The following CNTNAP5 variants were observed in gnomAD, a reference collection of about 807,000 sequenced individuals.
CNTNAP5 encodes the protein contactin associated protein family member 5.
CNTNAP5 carries 72 observed loss-of-function variants against 150.2 expected under a neutral mutation model. The ratio of observed to expected loss-of-function variants is 0.48; its 90% CI spans 0.40 to 0.58. The LOEUF (loss-of-function observed/expected upper bound fraction) is 0.58. CNTNAP5 is among the 20% of genes least tolerant of loss of function. The pLI is 0.00. For missense variants in CNTNAP5, 1,636 were observed against 1,626.2 expected (o/e 1.01, Z -0.10); for synonymous variants, 672 against 619.8 (o/e 1.08, Z -1.25).
At chr2:124,778,734 C>T (rs181856329) in intron 17 of CNTNAP5, 3 of 151,966 alleles carry the variant, frequency 2.0e-5, no homozygotes, top group Non-Finnish European at 2.9e-5. Context: ...CCTACCTAGG[C>T]GTGTTGTAAA....
At chr2:124,698,371 A>G (rs1016658620) in intron 13 of CNTNAP5, among the ~76,000 whole-genome samples, 1 of 50,194 alleles carries the variant, frequency 2.0e-5, no homozygotes, top group African/African-American at 7.4e-5. Context: ...AGTAGACGAG[A>G]GGATACACAC....
chr2:124,909,301 A>T (rs1331544661), intron 22 of CNTNAP5, among the ~76,000 whole-genome samples: 1 of 152,176 alleles, frequency 6.6e-6, no homozygotes, highest in Non-Finnish European at 1.5e-5. Context: ...ATAGTTGCTT[A>T]TAGTATTCAC....
chr2:124,833,731 T>C (rs1682767092), intron 19 of CNTNAP5, among the ~76,000 whole-genome samples: 2 of 152,128 alleles, frequency 1.3e-5, no homozygotes, highest in Admixed American at 6.6e-5. Context: ...CATCAGGGTT[T>C]CAATTCAAGT....
chr2:124,900,027 A>C (rs890196218), intron 21 of CNTNAP5, among the ~76,000 whole-genome samples: 1 of 151,056 alleles, frequency 6.6e-6, no homozygotes, highest in Non-Finnish European at 1.5e-5. Context: ...ACAGTTTGGC[A>C]TTTAAAATCA....
intron 8 of CNTNAP5, among the ~76,000 whole-genome samples, chr2:124,521,998 T>C (rs1362106778): frequency 6.6e-6 from 1 of 152,094 alleles, no homozygotes; most frequent in Non-Finnish European, 1.5e-5. Context: ...CAAGCAGATG[T>C]TCAGGATTGC....
At position 124,316,804 on chromosome 2, in the gene CNTNAP5, CAAAAAAAA is replaced by C. The variant is rs56812690; in HGVS notation, c.381+74428_381+74435del. On this transcript the variant is annotated intron_variant, in intron 3 of 23. Transcript: ENST00000682447. ...TGGGTGACAGAGCGAGACTCCATCT[CAAAAAAAA>C]AAAAAAAAAAAAAAAAGAAAAAGAA... Among the ~76,000 whole-genome samples the C allele has an allele frequency of 6.7e-3, 368 of 54,780 alleles. 4 individuals carry two copies. The highest frequency in any genetic ancestry group is 0.024 in the African/African-American group (357 of 14,806). 35.9% of individuals were successfully genotyped at this position (54,780 alleles called of 152,430 possible).
chr2:124,150,750 C>G (rs1439532132), intron 1 of CNTNAP5, among the ~76,000 whole-genome samples: 1 of 152,172 alleles, frequency 6.6e-6, no homozygotes, highest in African/African-American at 2.4e-5. Context: ...CATGAGAGGT[C>G]TACCCTGGTG....
chr2:124,623,902 T>A (rs1677667550), intron 12 of CNTNAP5, among the ~76,000 whole-genome samples: 1 of 152,244 alleles, frequency 6.6e-6, no homozygotes. Context: ...ACAATTTGCT[T>A]TCTGTAAATG....
At chr2:124,361,739 G>T (rs1381103616) in intron 3 of CNTNAP5, among the ~76,000 whole-genome samples, 2 of 151,736 alleles carry the variant, frequency 1.3e-5, no homozygotes, top group Non-Finnish European at 2.9e-5. Flanking sequence ...ATTTAAGTCT[G>T]CAGAGGTTAC....
At chr2:124,267,853 G>A (rs1687652425) in intron 3 of CNTNAP5, among the ~76,000 whole-genome samples, 1 of 152,138 alleles carries the variant, frequency 6.6e-6, no homozygotes, top group African/African-American at 2.4e-5. Context: ...GGAGCAGAGG[G>A]AAAACATAAT....
chr2:124,469,082 C>T (rs1693445629), intron 6 of CNTNAP5, among the ~76,000 whole-genome samples: 1 of 152,200 alleles, frequency 6.6e-6, no homozygotes. Context: ...AGTTTCAATC[C>T]CTCAGGGAGA....
At chr2:124,761,428 T>G (rs1163424105) in intron 14 of CNTNAP5, among the ~76,000 whole-genome samples, 1 of 152,146 alleles carries the variant, frequency 6.6e-6, no homozygotes, top group Admixed American at 6.6e-5. Flanking sequence ...CCCATTATAA[T>G]TTTTTAAAGA....
chr2:124,563,105 C>A, intron 10 of CNTNAP5, 112 bp from the exon 11 acceptor site: 1 of 674,654 alleles, frequency 1.5e-6, no homozygotes. Flanking sequence ...GGGAGTATAG[C>A]AAATCAATAT....
At chr2:124,905,116 G>GTTTTTTTTTTT (rs144751050) in intron 22 of CNTNAP5, among the ~76,000 whole-genome samples, 8 of 108,472 alleles carry the variant, frequency 7.4e-5, no homozygotes, top group South Asian at 3.2e-4. Context: ...GTTTTTTTTT[G>GTTTTTTTTTTT]TTTTTTTTTG....
At chr2:124,489,873 A>T (rs1693977049) in intron 7 of CNTNAP5, among the ~76,000 whole-genome samples, 1 of 152,138 alleles carries the variant, frequency 6.6e-6, no homozygotes, top group Admixed American at 6.5e-5. Flanking sequence ...GGAGCCTTCC[A>T]GTAAGTCCCA....
intron 7 of CNTNAP5, among the ~76,000 whole-genome samples, chr2:124,481,621 A>T (rs141176281): frequency 6.6e-6 from 1 of 152,192 alleles, no homozygotes; most frequent in African/African-American, 2.4e-5. Context: ...GTATATTTAT[A>T]TATCATAGAC....
At position 124,610,032 on chromosome 2, in the gene CNTNAP5, TG is replaced by T. The variant is rs1186529259; in HGVS notation, c.1876+114del. 8 of 1,213,444 alleles carry T rather than the reference TG, an allele frequency of 6.6e-6. No homozygotes were observed. The African/African-American group carries it at 1.2e-4, about 18-fold the overall frequency. 75.2% of individuals were successfully genotyped at this position (1,213,444 alleles called of 1,614,324 possible). A position where few individuals can be genotyped will look rare whatever the true frequency, so the allele number is the denominator to read the frequency against. ...GTGAATAAAAATTTGAAAGACCAAC[TG>T]GTCTCCTTTGGGGAGGAAATGGTAT... On this transcript the variant is annotated intron_variant, in intron 12 of 23. Coordinates refer to ENST00000682447, the MANE Select transcript of CNTNAP5 (RefSeq NM_001367498.1).
chr2:124,808,225 T>G (rs1168185169), intron 19 of CNTNAP5, among the ~76,000 whole-genome samples: 1 of 152,122 alleles, frequency 6.6e-6, no homozygotes, highest in Admixed American at 6.6e-5. Flanking sequence ...GTCAGAAAAA[T>G]TACATGTGAT....
chr2:124,661,991 T>A (rs1163494055), intron 13 of CNTNAP5, among the ~76,000 whole-genome samples: 7 of 152,114 alleles, frequency 4.6e-5, no homozygotes. Flanking sequence ...CCTAATGCTA[T>A]CCCTCCCCTT....
Sources: gnomAD v4.1 joint callset for allele counts (sites outside exome capture counted in the v4.1 genomes callset) on GRCh38, gnomAD v4.1.1 for gene constraint, MANE v1.5 for transcripts, NCBI Gene and HGNC (gene_info 2026-07-23, HGNC 2026-07-21) for gene names.